DACH1: variants seen among roughly 807,000 people sequenced by gnomAD.
DACH1 encodes the protein dachshund homolog 1.
A neutral mutation model predicts 54.2 loss-of-function variants in DACH1; 12 were observed. The observed-to-expected ratio is 0.22, with a 90% CI of 0.14 to 0.36. The LOEUF is 0.36. Ranked by LOEUF, DACH1 falls within the 10% of genes least tolerant of loss-of-function variation. The pLI, the probability that DACH1 is intolerant of heterozygous loss-of-function variation, is 1.00. For missense variants in DACH1, 805 were observed against 929.8 expected (o/e 0.87, Z 1.75); for synonymous variants, 386 against 366.2 (o/e 1.05, Z -0.62).
chr13:71,744,947 A>T (rs1278335547), intron 1 of DACH1, among the ~76,000 whole-genome samples: 1 of 152,182 alleles, frequency 6.6e-6, no homozygotes, highest in Non-Finnish European at 1.5e-5. Context: ...TAGATTTAGA[A>T]TCAGAAGTTT....
intron 1 of DACH1, among the ~76,000 whole-genome samples, chr13:71,726,795 A>G (rs1396240105): frequency 6.6e-6 from 1 of 152,060 alleles, no homozygotes; most frequent in Non-Finnish European, 1.5e-5. Flanking sequence ...ATGTTTATCT[A>G]TCTAATATAT....
intron 4 of DACH1, among the ~76,000 whole-genome samples, chr13:71,567,061 A>G (rs529654648): frequency 8.5e-5 from 13 of 152,248 alleles, no homozygotes; most frequent in African/African-American, 3.1e-4. Context: ...AACTTGCTTT[A>G]AAGTATGAGT....
chr13:71,825,441 A>G (rs1322638598), intron 1 of DACH1, among the ~76,000 whole-genome samples: 1 of 152,230 alleles, frequency 6.6e-6, no homozygotes, highest in East Asian at 1.9e-4. Context: ...AAAAGAAACC[A>G]CATACTTATT....
chr13:71,721,235 A>G (rs1430552284), intron 1 of DACH1, among the ~76,000 whole-genome samples: 4 of 152,156 alleles, frequency 2.6e-5, no homozygotes, highest in East Asian at 3.9e-4. Flanking sequence ...TCTCCCAACT[A>G]GGATGACAAC....
At chr13:71,509,852 C>T (rs1027389225) in intron 6 of DACH1, among the ~76,000 whole-genome samples, 3 of 152,042 alleles carry the variant, frequency 2.0e-5, no homozygotes, top group African/African-American at 7.2e-5. Context: ...ATTATTGTTC[C>T]AGTTTTTCAG....
chr13:71,700,842 C>T (rs976943023), intron 1 of DACH1, among the ~76,000 whole-genome samples: 1 of 152,056 alleles, frequency 6.6e-6, no homozygotes, highest in African/African-American at 2.4e-5. Flanking sequence ...TTTCCACATC[C>T]CTGATTCTAT....
chr13:71,521,565 AGG>A (rs1193887826), intron 6 of DACH1, among the ~76,000 whole-genome samples: 11 of 152,046 alleles, frequency 7.2e-5, no homozygotes, highest in Non-Finnish European at 1.0e-4. Context: ...TTCAAAGGCA[AGG>A]TAACTGTTAT....
chr13:71,556,942 G>A, intron 6 of DACH1, 82 bp downstream of exon 6: 1 of 1,353,480 alleles, frequency 7.4e-7, no homozygotes, highest in South Asian at 1.6e-5. Flanking sequence ...ATGATGTAGA[G>A]ATAGACTTCA....
At chr13:71,730,360 T>G (rs945984995) in intron 1 of DACH1, among the ~76,000 whole-genome samples, 1 of 152,174 alleles carries the variant, frequency 6.6e-6, no homozygotes, top group African/African-American at 2.4e-5. Flanking sequence ...ATTTACACAT[T>G]TCTTTTTCCT....
chr13:71,630,699 G>C lies in DACH1; in HGVS notation c.983C>G (p.Ala328Gly). ...TGCATTGGTAGCAGCAGCAGCTGCT[G>C]CAGCGGCTGCTGTCAGACCTTAAAA... ...IPPTGLTAAA[A>G]AAAAATNAAI... Residue 328 changes from alanine to glycine, a missense_variant, in exon 3 of 11, where the codon GCA (alanine) becomes GGA (glycine). Physicochemically the swap from Ala to Gly is moderately conservative, Grantham distance 60. Around this residue, in one of 3 missense-constraint regions of DACH1, gnomAD observed 472 missense variants for 545.3 expected, o/e 0.87. Transcript: ENST00000613252. 2 of 1,586,282 alleles carry C rather than the reference G, an allele frequency of 1.3e-6. No individual in the cohort carries two copies.
chr13:71,521,429 C>T (rs1022700356), intron 6 of DACH1, among the ~76,000 whole-genome samples: 3 of 151,980 alleles, frequency 2.0e-5, no homozygotes, highest in African/African-American at 4.8e-5. Context: ...TAACATAGGT[C>T]TAAATCTCAC....
rs529864149 is a variant in DACH1, at chr13:71,645,825, T to C, written c.965-15108A>G. On this transcript the variant is annotated intron_variant, in intron 2 of 10. Transcript: ENST00000613252. ...TTTTAACCTAATCCACAGCTTGACA[T>C]AGATCCTAGGGTAATAGAACACAGT... Among the ~76,000 whole-genome samples the C allele has an allele frequency of 1.1e-4, 17 of 152,288 alleles. No homozygotes were observed. In the South Asian group the frequency reaches 1.7e-3, roughly 15 times the overall value.
intron 2 of DACH1, among the ~76,000 whole-genome samples, chr13:71,662,369 C>T (rs543351129): frequency 6.0e-4 from 92 of 152,070 alleles, no homozygotes; most frequent in African/African-American, 2.2e-3. Context: ...CCAATGCTGC[C>T]GATAAACATA....
chr13:71,861,972 A>G (rs1289400760), intron 1 of DACH1, among the ~76,000 whole-genome samples: 2 of 151,556 alleles, frequency 1.3e-5, no homozygotes, highest in African/African-American at 2.4e-5. Context: ...TTACACTACA[A>G]TTTCATTCAT....
chr13:71,694,346 C>T (rs894554467), intron 1 of DACH1, among the ~76,000 whole-genome samples: 4 of 151,404 alleles, frequency 2.6e-5, no homozygotes, highest in Admixed American at 1.3e-4. Flanking sequence ...TTGATGCCCC[C>T]GTGAGGATTC....
At chr13:71,711,937 C>T (rs1430100617) in intron 1 of DACH1, among the ~76,000 whole-genome samples, 1 of 151,996 alleles carries the variant, frequency 6.6e-6, no homozygotes, top group Non-Finnish European at 1.5e-5. Flanking sequence ...CAGGTGACTT[C>T]AAGGAAAATA....
rs571931926 is a variant in DACH1 at position 71,762,521 on chromosome 13, C to A, written c.849-80611G>T. ...CTTTGGGAGGCCGAGGCGAGCAGCA[C>A]TTTGGGAGGCCAAGGCGAGCAGAAC... On this transcript the variant is annotated intron_variant, in intron 1 of 10. Coordinates refer to ENST00000613252, the MANE Select transcript of DACH1 (RefSeq NM_080759.6). Among the ~76,000 whole-genome samples the A allele has an allele frequency of 2.0e-5, 3 of 152,124 alleles. No homozygotes were observed. The South Asian group carries it at 6.2e-4, about 32-fold the overall frequency.
At chr13:71,579,382 A>T (rs915586621) in intron 3 of DACH1, among the ~76,000 whole-genome samples, 2 of 152,112 alleles carry the variant, frequency 1.3e-5, no homozygotes, top group African/African-American at 4.8e-5. Context: ...GCTTATTTTT[A>T]AATTTTGGCT....
chr13:71,793,562 G>A (rs1231820390), intron 1 of DACH1, among the ~76,000 whole-genome samples: 3 of 152,064 alleles, frequency 2.0e-5, no homozygotes, highest in African/African-American at 7.2e-5. Context: ...TGGAAACAGG[G>A]TTTTGCTCTG....
Sources: allele counts gnomAD v4.1 joint callset (sites outside exome capture counted in the v4.1 genomes callset), GRCh38; gene constraint gnomAD v4.1.1; regional missense constraint gnomAD v4.1.1; transcripts MANE v1.5; gene names NCBI Gene and HGNC (gene_info 2026-07-23, HGNC 2026-07-21).